ADCY1: variants seen among roughly 807,000 people sequenced by gnomAD.
ADCY1 encodes adenylate cyclase type 1.
ADCY1 carries 28 observed loss-of-function variants against 105.4 expected under a neutral mutation model. That is an observed-to-expected ratio of 0.27 (90% CI 0.20 to 0.36). ADCY1 has a LOEUF of 0.36. ADCY1 is among the 10% of genes least tolerant of loss of function. ADCY1 has a pLI of 1.00. For synonymous variants in ADCY1, 655 were observed against 623.8 expected (o/e 1.05, Z -0.75); for missense variants, 977 against 1,434.2 (o/e 0.68, Z 5.15).
chr7:45,690,001 A>T, intron 14 of ADCY1, among the ~76,000 whole-genome samples: 1 of 152,200 alleles, frequency 6.6e-6, no homozygotes, highest in East Asian at 1.9e-4. Flanking sequence ...CTGCAAAGGG[A>T]GGGCGATAGG....
chr7:45,581,679 C>G (rs79047754), intron 1 of ADCY1, among the ~76,000 whole-genome samples: 1 of 152,122 alleles, frequency 6.6e-6, no homozygotes, highest in Non-Finnish European at 1.5e-5. Flanking sequence ...GGAGTTCACA[C>G]GACCACAGGC....
Position 45,575,053 on chromosome 7 carries a change from C to T in ADCY1, c.510C>T (p.Thr170=), listed in dbSNP as rs370830411. The T allele has an allele frequency of 1.2e-6, 2 of 1,612,560 alleles. No individual in the cohort carries two copies. The highest frequency in any genetic ancestry group is 1.3e-5 in the African/African-American group (1 of 74,912). ...EQGVWQLLLV[T]FVSYALLPVR... ...GGGTTTGGCAGCTCCTTTTGGTCAC[C>T]TTCGTGTCCTATGCCTTGCTGCCCG... The change falls in exon 1 of 20, where the codon ACC becomes ACT. Residue 170 remains threonine (T), a synonymous_variant. Coordinates refer to ENST00000297323, the MANE Select transcript of ADCY1 (RefSeq NM_021116.4). The surrounding 1 kb of genome is among the most constrained non-coding windows in gnomAD (Gnocchi z 4.7).
intron 1 of ADCY1, among the ~76,000 whole-genome samples, chr7:45,583,937 GTTTTTTTTTTTT>G (rs869216986): frequency 8.8e-5 from 5 of 56,902 alleles, no homozygotes; most frequent in South Asian, 1.6e-3. Flanking sequence ...ACTGTGCCCT[GTTTTTTTTTTTT>G]TTTTTTTTTT....
At chr7:45,674,815 T>G (rs905000058) in intron 8 of ADCY1, among the ~76,000 whole-genome samples, 2 of 152,218 alleles carry the variant, frequency 1.3e-5, no homozygotes, top group African/African-American at 2.4e-5. Context: ...CCTGGTAAAT[T>G]TTTTTGCTCT....
chr7:45,584,873 C>T (rs867288172), intron 1 of ADCY1, among the ~76,000 whole-genome samples: 22 of 152,338 alleles, frequency 1.4e-4, no homozygotes, highest in South Asian at 1.0e-3. Flanking sequence ...CTGATGAGGG[C>T]GAGTCTGCTT....
At chr7:45,615,178 A>G (rs1451404063) in intron 3 of ADCY1, among the ~76,000 whole-genome samples, 2 of 152,272 alleles carry the variant, frequency 1.3e-5, no homozygotes, top group African/African-American at 4.8e-5. Flanking sequence ...ATCTTTTCTG[A>G]TCACAGAGGG....
rs752264320 is a variant in ADCY1, at chr7:45,721,849, G to A, written c.*7854G>A. The A allele has an allele frequency of 6.8e-5, 27 of 398,496 alleles. No homozygotes were observed. The highest frequency in any genetic ancestry group is 1.1e-4 in the Non-Finnish European group (24 of 226,092). The allele number at this position is 398,496 out of a possible 1,614,324, so 24.7% of individuals were successfully genotyped here. On this transcript the variant is annotated 3_prime_UTR_variant, in exon 20 of 20. Transcript: ENST00000297323. ...ACCGGGCGGTTCAGACCTTCAAATA[G>A]GTTGCTTTCAAAAGAGCTTTCAGGC...
chr7:45,609,975 G>A (rs1216677710), intron 2 of ADCY1, among the ~76,000 whole-genome samples: 1 of 152,172 alleles, frequency 6.6e-6, no homozygotes, highest in Admixed American at 6.5e-5. Context: ...GGACTCTGTG[G>A]GTACCTCAGG....
chr7:45,625,414 G>C (rs1260172678), intron 4 of ADCY1, among the ~76,000 whole-genome samples: 1 of 152,224 alleles, frequency 6.6e-6, no homozygotes, highest in African/African-American at 2.4e-5. Context: ...CAAGTGGAGT[G>C]AGAGATGTAT....
At position 45,627,102 on chromosome 7, in the gene ADCY1, G is replaced by A. The variant is rs140118015; in HGVS notation, c.1020+4359G>A. Among the ~76,000 whole-genome samples the A allele has an allele frequency of 1.1e-3, 172 of 152,290 alleles. 3 individuals are homozygous for A. The East Asian group carries it at 0.029, about 26-fold the overall frequency. On this transcript the variant is annotated intron_variant, in intron 4 of 19. Coordinates refer to ENST00000297323, the MANE Select transcript of ADCY1 (RefSeq NM_021116.4). ...CACTATGCAACATGAGGAGACAAAG[G>A]CCAAGTTGTTGACCTCACAGAAGTC...
chr7:45,639,544 TCAG>T (rs1158674304), intron 4 of ADCY1, among the ~76,000 whole-genome samples: 2 of 152,236 alleles, frequency 1.3e-5, no homozygotes, highest in Non-Finnish European at 2.9e-5. Flanking sequence ...TGGCAGGTTA[TCAG>T]CTGGGCTGCC....
In ADCY1 at chr7:45,657,871, C is replaced by T. The variant is rs145659731; in HGVS notation, c.1293C>T (p.Ala431=). 2.3e-4 allele frequency: 314 copies of T among 1,337,634 alleles called. 2 individuals are homozygous for T. In the Admixed American group the frequency reaches 5.5e-3, roughly 24 times the overall value. The allele number at this position is 1,337,634 out of a possible 1,614,324, so 82.9% of individuals were successfully genotyped here. Residue 431 remains alanine, a synonymous_variant, in exon 6 of 20, where the codon GCC becomes GCT. Transcript: ENST00000297323. ...NDVTLANVME[A]AGLPGKVHIT... The stretch of plus-strand genomic sequence containing the variant: ...TGACCTTGGCCAATGTCATGGAAGC[C>T]GCTGGCCTGCCAGGGTAAGTCGGGG...
intron 1 of ADCY1, among the ~76,000 whole-genome samples, chr7:45,589,791 GTTTT>G (rs201038858): frequency 6.7e-6 from 1 of 149,340 alleles, no homozygotes; most frequent in African/African-American, 2.5e-5. Flanking sequence ...TCCACCGTGG[GTTTT>G]TTTTTTGAAG....
Position 45,647,328 on chromosome 7 carries a change from C to T in ADCY1, c.1021-1342C>T, listed in dbSNP as rs1794688434. Among the ~76,000 whole-genome samples the T allele has an allele frequency of 1.3e-5, 2 of 152,232 alleles. No individual in the cohort carries two copies. The highest frequency in any genetic ancestry group is 2.9e-5 in the Non-Finnish European group (2 of 68,032). On this transcript the variant is annotated intron_variant, in intron 4 of 19. Transcript: ENST00000297323. This position sits in a 1 kb window ranked among gnomAD's most constrained non-coding sequence, Gnocchi z 4.6. ...CTGTGCTGGCCATGGTTCCTTTTCT[C>T]TAAGAATGTGGGGCACAGATGAGCA... is the stretch of plus-strand genomic sequence containing the variant.
In ADCY1 at chr7:45,710,985, C is replaced by T. The variant is rs544659245; in HGVS notation, c.3057+333C>T. 2.6e-5 allele frequency among the ~76,000 whole-genome samples: 4 copies of T among 152,270 alleles called. No individual in the cohort carries two copies. In the South Asian group the frequency reaches 8.3e-4, roughly 32 times the overall value. The stretch of plus-strand genomic sequence containing the variant: ...CAGGACTCCGGACTCCACCAGCTGC[C>T]ATAGGAAGGAAGGGCTTTCTTGTGT... On this transcript the variant is annotated intron_variant, in intron 19 of 19. Coordinates refer to ENST00000297323, the MANE Select transcript of ADCY1 (RefSeq NM_021116.4). This position sits in a 1 kb window ranked among gnomAD's most constrained non-coding sequence, Gnocchi z 4.7.
chr7:45,578,192 T>C (rs1792408320), intron 1 of ADCY1, among the ~76,000 whole-genome samples: 1 of 152,108 alleles, frequency 6.6e-6, no homozygotes, highest in Non-Finnish European at 1.5e-5. Flanking sequence ...ACAGGTGGAA[T>C]TGAGTAGCTA....
At chr7:45,659,921 C>G in intron 6 of ADCY1, 121 bp from the exon 7 acceptor site, 1 of 1,284,068 alleles carries the variant, frequency 7.8e-7, no homozygotes, top group South Asian at 1.4e-5. Context: ...GAATACTCCC[C>G]GTGGAGCCTG....
chr7:45,629,967 A>G (rs1794190949), intron 4 of ADCY1, among the ~76,000 whole-genome samples: 1 of 152,166 alleles, frequency 6.6e-6, no homozygotes, highest in African/African-American at 2.4e-5. Context: ...TTTTTTTCTA[A>G]TAGGCATGTG....
intron 2 of ADCY1, among the ~76,000 whole-genome samples, chr7:45,606,677 A>G (rs1299336582): frequency 6.6e-6 from 1 of 152,172 alleles, no homozygotes; most frequent in African/African-American, 2.4e-5. Context: ...ATACTTCTCC[A>G]TCTTCCCAGA....
Sources: allele counts gnomAD v4.1 joint callset (sites outside exome capture counted in the v4.1 genomes callset), GRCh38; gene constraint gnomAD v4.1.1; non-coding constraint Gnocchi (gnomAD v3.1); transcripts MANE v1.5; gene names NCBI Gene and HGNC (gene_info 2026-07-23, HGNC 2026-07-21).